Variants in SDHA observed in about 807,000 individuals in gnomAD.
The protein encoded by SDHA is succinate dehydrogenase [ubiquinone] flavoprotein subunit, mitochondrial.
SDHA carries 48 observed loss-of-function variants against 78.4 expected under a neutral mutation model. The ratio of observed to expected loss-of-function variants is 0.61; its 90% CI spans 0.49 to 0.78. The LOEUF (loss-of-function observed/expected upper bound fraction) is 0.78. SDHA is among the 30% of genes least tolerant of loss of function. The pLI, the probability that SDHA is intolerant of heterozygous loss-of-function variation, is 0.00. For missense variants in SDHA, 680 were observed against 892.7 expected (o/e 0.76, Z 3.04); for synonymous variants, 326 against 353.9 (o/e 0.92, Z 0.88).
At chr5:238,921 A>G (rs1392922079) in intron 10 of SDHA, among the ~76,000 whole-genome samples, 3 of 151,200 alleles carry the variant, frequency 2.0e-5, no homozygotes, top group Non-Finnish European at 2.9e-5. Flanking sequence ...AGATCACACC[A>G]CTGTACTCCA....
chr5:251,618 C>T, intron 13 of SDHA, 150 bp downstream of exon 13: 1 of 1,540,192 alleles, frequency 6.5e-7, no homozygotes, highest in Non-Finnish European at 8.8e-7. Context: ...ACTTTGATCC[C>T]TGGGTTCTCG....
chr5:245,913 C>G (rs62344298), intron 11 of SDHA, among the ~76,000 whole-genome samples: 5,161 of 152,226 alleles, frequency 0.034, 155 homozygotes, highest in Middle Eastern at 0.058. Flanking sequence ...AATCTATTTT[C>G]TATCCTTAGA....
At chr5:234,690 GGAT>G in intron 8 of SDHA, 1 of 217,788 alleles carries the variant, frequency 4.6e-6, no homozygotes, top group Admixed American at 5.1e-5. Flanking sequence ...CTTGAAATGA[GGAT>G]GATTTAAAGT....
chr5:235,178 C>G lies in SDHA; in HGVS notation c.1099C>G (p.Gln367Glu), dbSNP rs780941330. 2 of 1,613,900 alleles carry G rather than the reference C, an allele frequency of 1.2e-6. No individual in the cohort carries two copies. Among genetic ancestry groups the G allele is most frequent in the African/African-American group, 2.7e-5 (2 of 74,936 alleles). ...CCCTGAGAAAGATCACGTCTACCTG[C>G]AGCTGCACCACCTACCTCCAGAGCA... ...CGPEKDHVYL[Q>E]LHHLPPEQLA... Residue 367 changes from glutamine (Q) to glutamate (E), a missense_variant, in exon 9 of 15, where the codon CAG (glutamine) becomes GAG (glutamate). Gln to Glu is a conservative substitution (Grantham distance 29). Coordinates refer to ENST00000264932, the MANE Select transcript of SDHA (RefSeq NM_004168.4).
rs1448106251 is a variant in SDHA at position 218,328 on chromosome 5, G to C, written c.-28G>C. On this transcript the variant is annotated 5_prime_UTR_variant, in exon 1 of 15. Coordinates refer to ENST00000264932, the MANE Select transcript of SDHA (RefSeq NM_004168.4). Reference sequence around the variant, plus strand: ...GCAGGCGCAGTCTGCGCAGGGACTGGCGGGACTGCGCGGCGGCAACAGCAG... The same window carrying C: ...GCAGGCGCAGTCTGCGCAGGGACTGCCGGGACTGCGCGGCGGCAACAGCAG... 2 of 1,443,004 alleles carry C rather than the reference G, an allele frequency of 1.4e-6. No individual in the cohort carries two copies. The highest frequency in any genetic ancestry group is 1.8e-6 in the Non-Finnish European group (2 of 1,106,542). The allele number at this position is 1,443,004 out of a possible 1,614,324, so 89.4% of individuals were successfully genotyped here. A position where few individuals can be genotyped will look rare whatever the true frequency, so the allele number is the denominator to read the frequency against.
chr5:223,524 A>T lies in SDHA; in HGVS notation c.106A>T (p.Thr36Ser), dbSNP rs750500173. Residue 36 changes from threonine (T) to serine (S), a missense_variant, in exon 2 of 15, where the codon ACT (threonine) becomes TCT (serine). Physicochemically the swap from Thr to Ser is moderately conservative, Grantham distance 58. Transcript: ENST00000264932. ...AACAGGAACCCGAGGTTTTCACTTC[A>T]CTGTTGATGGGAACAAGAGGGCATC... is the stretch of plus-strand genomic sequence containing the variant. ...LQTGTRGFHF[T>S]VDGNKRASAK... 6.2e-7 allele frequency: 1 copy of T among 1,613,846 alleles called. No homozygotes were observed. The highest frequency in any genetic ancestry group is 8.5e-7 in the Non-Finnish European group (1 of 1,179,754).
At chr5:258,577 C>G (rs71583067), downstream of SDHA, among the ~76,000 whole-genome samples, 4 of 103,114 alleles carry the variant, frequency 3.9e-5, no homozygotes, top group East Asian at 9.7e-4. Context: ...CTCCGCCCCC[C>G]GCCAGAGCAT....
intron 10 of SDHA, among the ~76,000 whole-genome samples, chr5:238,559 A>G (rs574233210): frequency 5.5e-4 from 83 of 152,272 alleles, no homozygotes; most frequent in Non-Finnish European, 9.8e-4. Context: ...TTGTAGGGAC[A>G]GGGTCTCCCT....
At chr5:248,611 G>C (rs1321389013) in intron 11 of SDHA, among the ~76,000 whole-genome samples, 1 of 152,082 alleles carries the variant, frequency 6.6e-6, no homozygotes, top group African/African-American at 2.4e-5. Flanking sequence ...CTATAATTGA[G>C]GCATACCGCC....
In SDHA at chr5:224,823, A is replaced by C. The variant is rs564735093; in HGVS notation, c.312+302A>C. 1.4e-5 allele frequency: 6 copies of C among 444,000 alleles called. No homozygotes were observed. The East Asian group carries it at 2.8e-4, about 21-fold the overall frequency. The allele number at this position is 444,000 out of a possible 1,614,324, so 27.5% of individuals were successfully genotyped here. On this transcript the variant is annotated intron_variant, in intron 3 of 14. Transcript: ENST00000264932. ...CACCCCAACACCTTAAGAAAAGGAG[A>C]TCACCTAAAGAGGAGGAATCAGAAT...
intron 1 of SDHA, among the ~76,000 whole-genome samples, chr5:221,002 A>G (rs1259831728): frequency 2.0e-5 from 3 of 151,614 alleles, no homozygotes; most frequent in Admixed American, 1.3e-4. Flanking sequence ...TTTAGTAGAG[A>G]CGGGGTTTCA....
At chr5:254,797 G>A (rs1432840517) in intron 14 of SDHA, among the ~76,000 whole-genome samples, 1 of 152,072 alleles carries the variant, frequency 6.6e-6, no homozygotes, top group East Asian at 1.9e-4. Flanking sequence ...CTGGTGGTAG[G>A]GGAGGAGATG....
the SDHA span, among the ~76,000 whole-genome samples, chr5:262,403 A>T: frequency 7.1e-6 from 1 of 141,238 alleles, no homozygotes; most frequent in Non-Finnish European, 1.6e-5. Context: ...ACTGTGTGAG[A>T]TCCGCCCCCT....
intron 10 of SDHA, among the ~76,000 whole-genome samples, chr5:237,490 G>A (rs1451185570): frequency 1.5e-5 from 2 of 133,098 alleles, no homozygotes; most frequent in South Asian, 2.2e-4. Flanking sequence ...TGAGTCTTAC[G>A]TGCACTAAGA....
At chr5:257,582 T>C (rs1351558046), downstream of SDHA, among the ~76,000 whole-genome samples, 3 of 114,408 alleles carry the variant, frequency 2.6e-5, no homozygotes, top group East Asian at 2.6e-4. Flanking sequence ...GCTCCGCCCC[T>C]GCCAGAGCAT....
chr5:232,420 C>T (rs910846636), intron 7 of SDHA, among the ~76,000 whole-genome samples: 11 of 152,236 alleles, frequency 7.2e-5, no homozygotes, highest in Non-Finnish European at 1.2e-4. Context: ...GGGATGTCAC[C>T]GTTTTGCCCA....
At chr5:251,990 G>A (rs1736861273) in intron 13 of SDHA, 2 of 334,742 alleles carry the variant, frequency 6.0e-6, no homozygotes, top group Admixed American at 8.9e-5. Context: ...AGCCTGCCCT[G>A]TGGAGGAAAT....
chr5:251,540 C>G, intron 13 of SDHA, 72 bp downstream of exon 13: 1 of 1,609,788 alleles, frequency 6.2e-7, no homozygotes, highest in Non-Finnish European at 8.5e-7. Context: ...CCCACCCCTG[C>G]ATTTTCTCTG....
chr5:226,297 C>G (rs1206702304), intron 5 of SDHA, among the ~76,000 whole-genome samples: 1 of 150,976 alleles, frequency 6.6e-6, no homozygotes, highest in African/African-American at 2.5e-5. Flanking sequence ...ATCTTACATA[C>G]CAGGTTTTAA....
Sources: allele counts gnomAD v4.1 joint callset (sites outside exome capture counted in the v4.1 genomes callset), GRCh38; gene constraint gnomAD v4.1.1; transcripts MANE v1.5; gene names NCBI Gene and HGNC (gene_info 2026-07-23, HGNC 2026-07-21).